Variants in CSRNP2 observed in about 807,000 individuals in gnomAD.
CSRNP2 encodes the protein cysteine and serine rich nuclear protein 2, also known as cysteine/serine-rich nuclear protein 2.
In CSRNP2, 11 loss-of-function variants were observed where a neutral mutation model predicts 36.6. The ratio of observed to expected loss-of-function variants is 0.30; its 90% confidence interval spans 0.19 to 0.50. The LOEUF is 0.50. CSRNP2 is among the 20% of genes least tolerant of loss of function. The pLI is 0.98. For missense variants in CSRNP2, 483 were observed against 691.4 expected, an observed-to-expected ratio of 0.70 and a Z score of 3.38; for synonymous variants, 248 against 275.3, an observed-to-expected ratio of 0.90 and a Z score of 0.98.
At chr12:51,077,900 A>T (rs1449289939) in intron 1 of CSRNP2, among the ~76,000 whole-genome samples, 3 of 152,258 alleles carry the variant, frequency 2.0e-5, no homozygotes, top group Non-Finnish European at 2.9e-5. Context: ...GGAGTCTGAG[A>T]TAGTCCATTT....
At position 51,061,731 on chromosome 12, in the gene CSRNP2, C is replaced by CA. The variant is rs1384676553; in HGVS notation, c.*2014dup. ...CAGATTCATATTCCTGGTTTGATCC[C>CA]AAAAGCTAATGTGTTCCTCATCGTG... On this transcript the variant is annotated 3_prime_UTR_variant, in exon 5 of 5. Transcript: ENST00000228515. 4 of 152,148 alleles carry CA rather than the reference C, an allele frequency of 2.6e-5. No individual in the cohort carries two copies. The highest frequency in any genetic ancestry group is 4.4e-5 in the Non-Finnish European group (3 of 68,038). 9.4% of individuals were successfully genotyped at this position (152,148 alleles called of 1,614,324 possible).
At chr12:51,069,956 T>A (rs2136889475) in intron 3 of CSRNP2, among the ~76,000 whole-genome samples, 1 of 152,130 alleles carries the variant, frequency 6.6e-6, no homozygotes, top group Non-Finnish European at 1.5e-5. Flanking sequence ...CGCCTCAGCC[T>A]CCCAAAGTGC....
chr12:51,067,748 T>G lies in CSRNP2; in HGVS notation c.633A>C (p.Glu211Asp). 1 of 1,614,202 alleles carries G rather than the reference T, an allele frequency of 6.2e-7. No homozygotes were observed. Among genetic ancestry groups the G allele is most frequent in the Non-Finnish European group, 8.5e-7 (1 of 1,180,028 alleles). Residue 211 changes from glutamate (E) to aspartate (D), a missense_variant, in exon 4 of 5, where the codon GAA becomes GAC. By Grantham distance (45) the Glu-to-Asp change is conservative. Around this residue, in one of 2 missense-constraint regions of CSRNP2, gnomAD observed 206 missense variants for 367.8 expected, o/e 0.56. Coordinates refer to ENST00000228515, the MANE Select transcript of CSRNP2 (RefSeq NM_030809.3). This position sits in a 1 kb window ranked among gnomAD's most constrained non-coding sequence, Gnocchi z 4.1. ...QELRAIRLSR[E>D]ECGCDCRLYC... The stretch of plus-strand genomic sequence containing the variant: ...ACAGTCGGCAGTCACAACCACATTC[T>G]TCCCGTGACAGGCGGATGGCTCGAA...
chr12:51,073,461 G>A (rs1242036701), intron 3 of CSRNP2, among the ~76,000 whole-genome samples: 1 of 151,904 alleles, frequency 6.6e-6, no homozygotes, highest in African/African-American at 2.4e-5. Context: ...GCTGGGTGCA[G>A]TGGCTCACAC....
chr12:51,082,036 A>T (rs1438474203), intron 1 of CSRNP2, among the ~76,000 whole-genome samples: 3 of 152,238 alleles, frequency 2.0e-5, no homozygotes, highest in African/African-American at 7.2e-5. Flanking sequence ...AAGGTCAAGG[A>T]ATCAAAACCT....
chr12:51,065,693 C>G (rs1938130092), intron 4 of CSRNP2, among the ~76,000 whole-genome samples: 1 of 152,112 alleles, frequency 6.6e-6, no homozygotes. Context: ...CTCCTGGGCT[C>G]AAGCAGTCCT....
Position 51,076,517 on chromosome 12 carries a change from A to G in CSRNP2, c.45T>C (p.Asp15=), listed in dbSNP as rs1939410461. 1 of 1,614,100 alleles carries G rather than the reference A, an allele frequency of 6.2e-7. No homozygotes were observed. Among genetic ancestry groups the G allele is most frequent in the Non-Finnish European group, 8.5e-7 (1 of 1,180,016 alleles). The change falls in exon 2 of 5, where the codon GAT becomes GAC. Residue 15 remains aspartate, a synonymous_variant. Coordinates refer to ENST00000228515, the MANE Select transcript of CSRNP2 (RefSeq NM_030809.3). ...TGGAAACTGATGAGCCCACATCCAC[A>G]TCATCAAACTTCCTCTTGAGACCCG... is the stretch of plus-strand genomic sequence containing the variant. ...TGSGLKRKFD[D]VDVGSSVSNS...
chr12:51,070,535 G>A (rs150155395), intron 3 of CSRNP2, among the ~76,000 whole-genome samples: 164 of 152,168 alleles, frequency 1.1e-3, no homozygotes, highest in East Asian at 7.0e-3. Context: ...TTTAAATATC[G>A]AGATAGAAGT....
At position 51,067,366 on chromosome 12, in the gene CSRNP2, G is replaced by C. The variant is rs1938508711; in HGVS notation, c.708+307C>G. On this transcript the variant is annotated intron_variant, in intron 4 of 4. Coordinates refer to ENST00000228515, the MANE Select transcript of CSRNP2 (RefSeq NM_030809.3). The surrounding 1 kb of genome is among the most constrained non-coding windows in gnomAD (Gnocchi z 4.1). ...TTCTTTGCAAAAATTTTAAGAGACA[G>C]GGTCTCACTCTGTGACCCAGGCTGG... 6.6e-6 allele frequency among the ~76,000 whole-genome samples: 1 copy of C among 152,228 alleles called. No individual in the cohort carries two copies. Among genetic ancestry groups the C allele is most frequent in the East Asian group, 1.9e-4 (1 of 5,180 alleles).
rs1409015492 is a variant in CSRNP2, at chr12:51,063,774, G to C, written c.1604C>G (p.Ser535Cys). The change falls in exon 5 of 5, where the codon TCT becomes TGT. Residue 535 changes from serine to cysteine, a missense_variant. Transcript: ENST00000228515. ...QQNEDRPPED[S>C]SLELPLAV is the part of the protein sequence containing the mutation. Reference sequence around the variant, plus strand: ...CACTGCCAGAGGGAGTTCTAAGGAAGAATCTTCAGGGGGCCGATCCTCATT... The same window carrying C: ...CACTGCCAGAGGGAGTTCTAAGGAACAATCTTCAGGGGGCCGATCCTCATT... 6.3e-7 allele frequency: 1 copy of C among 1,577,938 alleles called. No individual in the cohort carries two copies.
At chr12:51,080,097 A>G (rs1238064681) in intron 1 of CSRNP2, among the ~76,000 whole-genome samples, 2 of 150,066 alleles carry the variant, frequency 1.3e-5, no homozygotes, top group East Asian at 3.9e-4. Context: ...AAAAAAAAAA[A>G]AAGAGGGAGG....
intron 1 of CSRNP2, among the ~76,000 whole-genome samples, chr12:51,077,567 A>G (rs1216016044): frequency 2.0e-5 from 3 of 152,160 alleles, no homozygotes; most frequent in African/African-American, 7.2e-5. Flanking sequence ...GCAGTCAGGA[A>G]AACCCTTTAC....
At chr12:51,079,789 A>AAAAAT (rs1566187606) in intron 1 of CSRNP2, among the ~76,000 whole-genome samples, 10 of 147,346 alleles carry the variant, frequency 6.8e-5, no homozygotes, top group Non-Finnish European at 1.4e-4. Flanking sequence ...AAAAAAAAAA[A>AAAAAT]AAAAGCTGGG....
chr12:51,073,139 A>C (rs944304648), intron 3 of CSRNP2, among the ~76,000 whole-genome samples: 8 of 152,042 alleles, frequency 5.3e-5, no homozygotes, highest in African/African-American at 1.9e-4. Context: ...AGATGGCTTG[A>C]GGCCAGGAGT....
rs756528215 is a variant in CSRNP2 at position 51,064,340 on chromosome 12, A to G, written c.1038T>C (p.Ser346=). 1.9e-6 allele frequency: 3 copies of G among 1,614,162 alleles called. 1 individual carries two copies. The South Asian group carries it at 3.3e-5, about 18-fold the overall frequency. ...TCTCGATGCTCGAGTCCAGGCTGGCACTAGAGCCGCTGGAATCTTCTTCTG... is the reference window on the plus strand; with the variant it reads ...TCTCGATGCTCGAGTCCAGGCTGGCGCTAGAGCCGCTGGAATCTTCTTCTG... ...LKAEEDSSGS[S]ASLDSSIESL... is the part of the protein sequence containing the mutation. The change falls in exon 5 of 5, where the codon AGT becomes AGC. Residue 346 remains serine, a synonymous_variant. Transcript: ENST00000228515.
In CSRNP2 at chr12:51,076,448, G is replaced by A. The variant is rs780766456; in HGVS notation, c.114C>T (p.Cys38=). Reference sequence around the variant, plus strand: ...CAGTGGTAGGAGGATTGAGGCTGTCGCAGCTGTCAGCACTATCACTGCTGG... The same window carrying A: ...CAGTGGTAGGAGGATTGAGGCTGTCACAGCTGTCAGCACTATCACTGCTGG... ...EISSSDSADS[C]DSLNPPTTAS... The change falls in exon 2 of 5, where the codon TGC becomes TGT. Residue 38 remains cysteine (C), a synonymous_variant. Transcript: ENST00000228515. The A allele has an allele frequency of 8.7e-6, 14 of 1,613,906 alleles. No individual in the cohort carries two copies. The highest frequency in any genetic ancestry group is 2.2e-5 in the East Asian group (1 of 44,876).
chr12:51,065,872 C>T (rs1044430704), intron 4 of CSRNP2, among the ~76,000 whole-genome samples: 1 of 152,000 alleles, frequency 6.6e-6, no homozygotes, highest in Non-Finnish European at 1.5e-5. Context: ...TATTTGTTAC[C>T]CAGCTAAAAA....
At chr12:51,080,072 C>CAAAAAAA (rs1173559322) in intron 1 of CSRNP2, among the ~76,000 whole-genome samples, 2,177 of 54,996 alleles carry the variant, frequency 0.04, 880 homozygotes, top group South Asian at 0.091. Context: ...GACTCTGTCT[C>CAAAAAAA]AAAAAAAAAA....
intron 2 of CSRNP2, 109 bp downstream of exon 2, chr12:51,076,302 A>C: frequency 8.4e-7 from 1 of 1,188,450 alleles, no homozygotes; most frequent in South Asian, 1.4e-5. Context: ...GCAAGGAAAG[A>C]TGATGATTAA....
Sources: allele counts gnomAD v4.1 joint callset (sites outside exome capture counted in the v4.1 genomes callset), GRCh38; gene constraint gnomAD v4.1.1; regional missense constraint gnomAD v4.1.1; non-coding constraint Gnocchi (gnomAD v3.1); transcripts MANE v1.5; gene names NCBI Gene and HGNC (gene_info 2026-07-23, HGNC 2026-07-21).